CIROZ: variants seen among roughly 807,000 people sequenced by gnomAD.
The protein encoded by CIROZ is ciliated left-right organizer ZP-N domains-containing protein.
chr1:10,971,299 C>A, the CIROZ span, among the ~76,000 whole-genome samples: 2 of 151,370 alleles, frequency 1.3e-5, no homozygotes, highest in East Asian at 4.0e-4. Context: ...CTGACCCCAG[C>A]CTCTGCCCAT....
chr1:10,965,737 C>A, the CIROZ span, among the ~76,000 whole-genome samples: 1 of 151,246 alleles, frequency 6.6e-6, no homozygotes, highest in African/African-American at 2.4e-5. Context: ...GCAGGGGAAT[C>A]GCTTGAACCT....
the CIROZ span, chr1:10,947,998 G>A: frequency 1.9e-3 from 3,111 of 1,613,572 alleles, 11 homozygotes; most frequent in Non-Finnish European, 2.2e-3. Context: ...GCTGCTGGGC[G>A]AACAGGTTCT....
chr1:10,966,502 G>A, the CIROZ span: 1 of 1,527,742 alleles, frequency 6.5e-7, no homozygotes, highest in Non-Finnish European at 8.7e-7. Context: ...GAAAGGGACA[G>A]AAACGTGGGT....
the CIROZ span, among the ~76,000 whole-genome samples, chr1:10,956,851 A>G: frequency 2.6e-5 from 4 of 152,170 alleles, no homozygotes; most frequent in African/African-American, 9.7e-5. Flanking sequence ...TTCCAGCAAA[A>G]GCAAACTTCT....
chr1:10,955,299 C>T, the CIROZ span: 3 of 954,616 alleles, frequency 3.1e-6, no homozygotes, highest in Non-Finnish European at 1.5e-6. Flanking sequence ...GCACAGCACA[C>T]TTCCCCAGTC....
chr1:10,957,084 G>A, the CIROZ span: 17,502 of 1,550,174 alleles, frequency 0.011, 150 homozygotes, highest in Non-Finnish European at 0.013. Context: ...ATAGTGGCAG[G>A]AGCTCAGCAG....
the CIROZ span, among the ~76,000 whole-genome samples, chr1:10,966,665 G>A: frequency 6.6e-6 from 1 of 152,198 alleles, no homozygotes; most frequent in Admixed American, 6.5e-5. Flanking sequence ...AAAGCCCGAT[G>A]GTTCTTCATT....
At chr1:10,977,695 G>T in the CIROZ span, among the ~76,000 whole-genome samples, 3 of 152,080 alleles carry the variant, frequency 2.0e-5, no homozygotes, top group Non-Finnish European at 4.4e-5. Context: ...ATTTATTTGC[G>T]TGTCCATAGG....
chr1:10,976,071 T>C, the CIROZ span: 1 of 1,142,472 alleles, frequency 8.8e-7, no homozygotes, highest in Non-Finnish European at 1.3e-6. Flanking sequence ...AGTTGCCCAG[T>C]GTCACCCAGC....
At chr1:10,980,021 T>C in the CIROZ span, among the ~76,000 whole-genome samples, 2 of 152,192 alleles carry the variant, frequency 1.3e-5, no homozygotes, top group Non-Finnish European at 2.9e-5. Context: ...CGCTCCAGCC[T>C]GGGCAACAAG....
the CIROZ span, among the ~76,000 whole-genome samples, chr1:10,973,416 A>C: frequency 3.9e-5 from 6 of 152,206 alleles, no homozygotes; most frequent in Non-Finnish European, 8.8e-5. Context: ...GACTAAAGTC[A>C]GCCACGTGGG....
the CIROZ span, among the ~76,000 whole-genome samples, chr1:10,958,184 C>G: frequency 6.6e-6 from 1 of 152,150 alleles, no homozygotes; most frequent in African/African-American, 2.4e-5. Context: ...GGAAGGGTCG[C>G]CAGCTCCCAT....
At chr1:10,977,381 G>A in the CIROZ span, among the ~76,000 whole-genome samples, 4 of 139,634 alleles carry the variant, frequency 2.9e-5, no homozygotes, top group African/African-American at 1.0e-4. Flanking sequence ...TACTCGGGAG[G>A]CTGAGACAAG....
the CIROZ span, among the ~76,000 whole-genome samples, chr1:10,971,363 T>G: frequency 3.3e-5 from 5 of 151,460 alleles, no homozygotes; most frequent in Non-Finnish European, 7.4e-5. Flanking sequence ...AAAATGGAAA[T>G]GAGATCATGT....
the CIROZ span, among the ~76,000 whole-genome samples, chr1:10,954,358 G>A: frequency 1.3e-5 from 2 of 151,842 alleles, no homozygotes; most frequent in African/African-American, 2.4e-5. Flanking sequence ...GGAGGCTGAG[G>A]CAGGAGAATC....
the CIROZ span, among the ~76,000 whole-genome samples, chr1:10,979,198 G>C: frequency 5.3e-4 from 81 of 152,092 alleles, no homozygotes; most frequent in African/African-American, 1.9e-3. Flanking sequence ...TCACCATGTT[G>C]GCCATGGCTG....
the CIROZ span, among the ~76,000 whole-genome samples, chr1:10,946,893 C>G: frequency 8.5e-4 from 130 of 152,320 alleles, no homozygotes; most frequent in African/African-American, 3.0e-3. Flanking sequence ...ATCACCATCA[C>G]CAACAACCCC....
chr1:10,979,573 C>G, the CIROZ span, among the ~76,000 whole-genome samples: 1 of 150,152 alleles, frequency 6.7e-6, no homozygotes, highest in African/African-American at 2.5e-5. Flanking sequence ...CACCCTTCGA[C>G]CCAGCGCTTC....
chr1:10,947,930 C>T, the CIROZ span: 1 of 1,613,836 alleles, frequency 6.2e-7, no homozygotes, highest in South Asian at 1.1e-5. Flanking sequence ...CAGGGGCTGA[C>T]TCCAGGTATC....
Sources: allele counts gnomAD v4.1 joint callset (sites outside exome capture counted in the v4.1 genomes callset), GRCh38; gene constraint gnomAD v4.1.1; transcripts MANE v1.5; gene names NCBI Gene and HGNC (gene_info 2026-07-23, HGNC 2026-07-21).